The following OR1J2 variants were observed in gnomAD, a reference collection of about 807,000 sequenced individuals.
The protein encoded by OR1J2 is olfactory receptor 1J2.
For synonymous variants in OR1J2, 142 were observed against 99.7 expected (o/e 1.42, Z -2.52); for missense variants, 304 against 246.1 (o/e 1.24, Z -1.57).
At chr9:122,481,484 A>C in the OR1J2 span, among the ~76,000 whole-genome samples, 1 of 152,216 alleles carries the variant, frequency 6.6e-6, no homozygotes, top group Non-Finnish European at 1.5e-5. Context: ...CTATAAATCA[A>C]TAAAGAAAAG....
In OR1J2 at chr9:122,511,116, AT is replaced by A; in HGVS notation, c.321del (p.Phe107LeufsTer30). On this transcript the variant is annotated frameshift_variant, in exon 1 of 1. Coordinates refer to ENST00000335302, the MANE Select transcript of OR1J2 (RefSeq NM_054107.1). LOFTEE classifies it low-confidence loss of function (END_TRUNC). ...ECISQMYFFI[F>X]FTDLDSFLIT... ...GCATTTCTCAGATGTATTTTTTTAT[AT>A]TTTTTACTGACCTGGACAGCTTCCT... The A allele has an allele frequency of 1.1e-6, 1 of 952,192 alleles. No individual in the cohort carries two copies. The highest frequency in any genetic ancestry group is 1.6e-6 in the Non-Finnish European group (1 of 609,438). The allele number at this position is 952,192 out of a possible 1,614,324, so 59.0% of individuals were successfully genotyped here. A position where few individuals can be genotyped will look rare whatever the true frequency, so the allele number is the denominator to read the frequency against.
chr9:122,482,853 TG>T, the OR1J2 span, among the ~76,000 whole-genome samples: 1 of 152,128 alleles, frequency 6.6e-6, no homozygotes, highest in South Asian at 2.1e-4. Flanking sequence ...TACCAGAGCC[TG>T]GGAGGGTGAG....
the OR1J2 span, among the ~76,000 whole-genome samples, chr9:122,472,245 T>A: frequency 6.6e-6 from 1 of 152,210 alleles, no homozygotes; most frequent in Admixed American, 6.5e-5. Flanking sequence ...TTAACAGTAG[T>A]TAAAGTCCTT....
chr9:122,568,273 GAGAC>G, the OR1J2 span: 9 of 1,613,978 alleles, frequency 5.6e-6, no homozygotes, highest in Non-Finnish European at 7.6e-6. Context: ...ATATCAGTGA[GAGAC>G]AGAAAACTCA....
At chr9:122,524,275 T>A in the OR1J2 span, among the ~76,000 whole-genome samples, 1 of 152,330 alleles carries the variant, frequency 6.6e-6, no homozygotes, top group African/African-American at 2.4e-5. Context: ...TAGTAGGCCA[T>A]CCCATCTAGG....
chr9:122,517,191 T>A, the OR1J2 span, among the ~76,000 whole-genome samples: 4,105 of 152,262 alleles, frequency 0.027, 290 homozygotes, highest in East Asian at 0.3. Context: ...TGAAGTGATG[T>A]TGCCAGGACT....
At chr9:122,478,528 A>T in the OR1J2 span, among the ~76,000 whole-genome samples, 1 of 152,200 alleles carries the variant, frequency 6.6e-6, no homozygotes, top group Non-Finnish European at 1.5e-5. Context: ...TTTTTAAGAC[A>T]TAACACTTTA....
chr9:122,488,148 T>G, the OR1J2 span, among the ~76,000 whole-genome samples: 1 of 152,282 alleles, frequency 6.6e-6, no homozygotes, highest in African/African-American at 2.4e-5. Context: ...TTTGTTTTTG[T>G]TTTATTTTTG....
the OR1J2 span, among the ~76,000 whole-genome samples, chr9:122,529,611 T>A: frequency 6.6e-6 from 1 of 152,140 alleles, no homozygotes; most frequent in Non-Finnish European, 1.5e-5. Flanking sequence ...TGCTCTATTT[T>A]TGGTTTTTCT....
chr9:122,578,472 A>G, the OR1J2 span: 10 of 151,180 alleles, frequency 6.6e-5, no homozygotes, highest in East Asian at 1.7e-3. Flanking sequence ...AAAAGACATC[A>G]TTATATACAA....
At chr9:122,522,340 TC>T in the OR1J2 span, among the ~76,000 whole-genome samples, 1 of 152,214 alleles carries the variant, frequency 6.6e-6, no homozygotes. Flanking sequence ...AGAACAATCT[TC>T]CTCAGAGGGG....
At chr9:122,554,118 G>A in the OR1J2 span, 3 of 1,613,380 alleles carry the variant, frequency 1.9e-6, no homozygotes, top group African/African-American at 2.7e-5. Context: ...CATGAAGGAG[G>A]CTTTGGGTAA....
chr9:122,570,944 G>A, the OR1J2 span, among the ~76,000 whole-genome samples: 1 of 152,182 alleles, frequency 6.6e-6, no homozygotes, highest in Admixed American at 6.5e-5. Flanking sequence ...GGCTTAGAGA[G>A]GTGAAGTGAT....
chr9:122,515,007 G>A (rs902454765), downstream of OR1J2, among the ~76,000 whole-genome samples: 1 of 152,178 alleles, frequency 6.6e-6, no homozygotes, highest in African/African-American at 2.4e-5. Context: ...CTGCCCGAGG[G>A]CATCTCTCCT....
At chr9:122,472,685 C>T in the OR1J2 span, among the ~76,000 whole-genome samples, 1 of 152,174 alleles carries the variant, frequency 6.6e-6, no homozygotes, top group Non-Finnish European at 1.5e-5. Context: ...ACAATCTTTC[C>T]ACAGTGCATT....
the OR1J2 span, among the ~76,000 whole-genome samples, chr9:122,453,466 C>T: frequency 2.0e-5 from 3 of 152,318 alleles, no homozygotes; most frequent in South Asian, 2.1e-4. Flanking sequence ...AATGCTGGGT[C>T]TGTGATCACA....
the OR1J2 span, chr9:122,519,779 C>T: frequency 2.5e-6 from 4 of 1,614,166 alleles, no homozygotes; most frequent in Non-Finnish European, 3.4e-6. Context: ...CACTAATATG[C>T]ATCTTGATCT....
At chr9:122,496,400 C>G in the OR1J2 span, among the ~76,000 whole-genome samples, 3 of 152,072 alleles carry the variant, frequency 2.0e-5, no homozygotes, top group African/African-American at 7.2e-5. Context: ...TGAGGCTTGC[C>G]GCGGCTTCTG....
chr9:122,493,516 T>A, the OR1J2 span, among the ~76,000 whole-genome samples: 1 of 152,170 alleles, frequency 6.6e-6, no homozygotes, highest in Admixed American at 6.5e-5. Flanking sequence ...CCTTGAATGA[T>A]CTTTTGTATT....
Sources: gnomAD v4.1 joint callset for allele counts (sites outside exome capture counted in the v4.1 genomes callset) on GRCh38, gnomAD v4.1.1 for gene constraint, MANE v1.5 for transcripts, NCBI Gene and HGNC (gene_info 2026-07-23, HGNC 2026-07-21) for gene names.